PAX4: variants seen among roughly 807,000 people sequenced by gnomAD.
PAX4 encodes the protein paired box 4.
In PAX4, 33 loss-of-function variants were observed where a neutral mutation model predicts 40.6. The observed-to-expected ratio is 0.81, with a 90% CI of 0.62 to 1.09. The LOEUF (loss-of-function observed/expected upper bound fraction) is 1.09. Ranked by LOEUF, PAX4 falls within the 50% of genes least tolerant of loss-of-function variation. The pLI, the probability that PAX4 is intolerant of heterozygous loss-of-function variation, is 0.00. For missense variants in PAX4, 459 were observed against 442.5 expected (o/e 1.04, Z -0.33); for synonymous variants, 174 against 170.6 (o/e 1.02, Z -0.16).
chr7:127,616,130 G>T, intron 2 of PAX4, 103 bp from the exon 3 acceptor site: 1 of 595,240 alleles, frequency 1.7e-6, no homozygotes. Flanking sequence ...TTGCCAGTGG[G>T]TTGGCTAAAA....
chr7:127,611,051 T>C lies in PAX4; in HGVS notation c.*13A>G. ...TTAGATCTTCTCTATGCCATCTCCT[T>C]CCCACTCCTGCCTCATTCCAAGCCA... On this transcript the variant is annotated 3_prime_UTR_variant, in exon 12 of 12. Coordinates refer to ENST00000639438, the MANE Select transcript of PAX4 (RefSeq NM_001366110.1). The C allele has an allele frequency of 1.3e-6, 2 of 1,596,316 alleles. No individual in the cohort carries two copies. The highest frequency in any genetic ancestry group is 1.7e-6 in the Non-Finnish European group (2 of 1,169,850).
At position 127,613,804 on chromosome 7, in the gene PAX4, G is replaced by A. The variant is rs121917718; in HGVS notation, c.514C>T (p.Arg172Trp). 39 of 1,613,916 alleles carry A rather than the reference G, an allele frequency of 2.4e-5. No homozygotes were observed. Among genetic ancestry groups the A allele is most frequent in the African/African-American group, 6.7e-5 (5 of 74,864 alleles). Residue 172 changes from arginine (R) to tryptophan (W), a missense_variant, in exon 7 of 12, where the codon CGG becomes TGG. Physicochemically the swap from Arg to Trp is moderately radical, Grantham distance 101 (BLOSUM62 -3). Coordinates refer to ENST00000639438, the MANE Select transcript of PAX4 (RefSeq NM_001366110.1). ...PRGTHPGTGH[R>W]NRTIFSPSQA... ...CTTGGGGAGAAGATAGTCCGATTCC[G>A]GTGGCCGGTCCCTGGGTGGGTACCC...
chr7:127,615,747 A>G, intron 3 of PAX4, 169 bp downstream of exon 3: 1 of 1,495,780 alleles, frequency 6.7e-7, no homozygotes, highest in Non-Finnish European at 8.9e-7. Flanking sequence ...ATACCCGCCA[A>G]CTCTCCTGAT....
intron 2 of PAX4, 60 bp downstream of exon 2, chr7:127,617,215 A>G (rs1034367421): frequency 6.6e-6 from 1 of 152,214 alleles, no homozygotes; most frequent in African/African-American, 2.4e-5. Flanking sequence ...AAGAATTACA[A>G]AGAGTTTGGA....
chr7:127,610,873 T>C lies in PAX4; in HGVS notation c.*191A>G. On this transcript the variant is annotated 3_prime_UTR_variant, in exon 12 of 12. Transcript: ENST00000639438. ...AAGGCTAGTGTGAGAAGTGGGTGGG[T>C]GTTGCTTTACCAGCCCCTCCAATCA... is the stretch of plus-strand genomic sequence containing the variant. The C allele has an allele frequency of 3.2e-6, 5 of 1,539,456 alleles. No homozygotes were observed. The highest frequency in any genetic ancestry group is 3.5e-6 in the Non-Finnish European group (4 of 1,146,906).
intron 3 of PAX4, 46 bp downstream of exon 3, chr7:127,615,870 G>A: frequency 6.5e-7 from 1 of 1,535,652 alleles, no homozygotes; most frequent in Non-Finnish European, 8.7e-7. Context: ...GTCTTCCCCT[G>A]TCTCTGTTGT....
chr7:127,615,632 G>A (rs886061970), intron 3 of PAX4, 101 bp from the exon 4 acceptor site: 44 of 1,599,832 alleles, frequency 2.8e-5, no homozygotes, highest in South Asian at 3.3e-5. Flanking sequence ...TCCCACCACC[G>A]AGTGCATCCT....
rs761042337 is a variant in PAX4 at position 127,611,783 on chromosome 7, C to T, written c.772-107G>A. The T allele has an allele frequency of 3.1e-6, 5 of 1,600,212 alleles. No individual in the cohort carries two copies. In the African/African-American group the frequency reaches 6.7e-5, roughly 21 times the overall value. On this transcript the variant is annotated intron_variant, in intron 10 of 11. Coordinates refer to ENST00000639438, the MANE Select transcript of PAX4 (RefSeq NM_001366110.1). ...CACCCAAGTAGTATCCTGCACAACT[C>T]CAGAGGGCACCATTCACATAGTAGA...
rs199607802 is a variant in PAX4, at chr7:127,615,473, C to A, written c.72G>T (p.Leu24=). Residue 24 remains leucine, a synonymous_variant, in exon 4 of 12, where the codon CTG becomes CTT. Transcript: ENST00000639438. ...GCCGCACAATCTGCTGCCGGGTATC[C>A]AGAGGCAGGGGCCGGCCATTCACAA... is the stretch of plus-strand genomic sequence containing the variant. ...GLFVNGRPLP[L]DTRQQIVRLA... 1.6e-4 allele frequency: 254 copies of A among 1,614,094 alleles called. No homozygotes were observed. The highest frequency in any genetic ancestry group is 2.1e-4 in the Non-Finnish European group (244 of 1,180,044).
chr7:127,611,068 TC>T lies in PAX4; in HGVS notation c.1051del (p.Glu351AsnfsTer63). 6.2e-7 allele frequency: 1 copy of T among 1,604,914 alleles called. No individual in the cohort carries two copies. Among genetic ancestry groups the T allele is most frequent in the Non-Finnish European group, 8.5e-7 (1 of 1,174,926 alleles). On this transcript the variant is annotated frameshift_variant, in exon 12 of 12. Coordinates refer to ENST00000639438, the MANE Select transcript of PAX4 (RefSeq NM_001366110.1). LOFTEE classifies it high-confidence loss of function. ...WPGCPLLYGL[E>X] ...CATCTCCTTCCCACTCCTGCCTCAT[TC>T]CAAGCCATACAGTAGTGGGCAGCCA...
rs1562961156 is a variant in PAX4 at position 127,615,742 on chromosome 7, C to CAGGA, written c.13+173_13+174insTCCT. ...TGAGTCTTTGTTCCTTGCCCATACC[C>CAGGA]GCCAACTCTCCTGATCTAAGGGAAG... On this transcript the variant is annotated intron_variant, in intron 3 of 11. Transcript: ENST00000639438. 3.3e-6 allele frequency: 5 copies of CAGGA among 1,494,974 alleles called. No individual in the cohort carries two copies. The African/African-American group carries it at 6.9e-5, about 21-fold the overall frequency. 92.6% of individuals were successfully genotyped at this position (1,494,974 alleles called of 1,614,324 possible).
chr7:127,615,571 A>G (rs776053996), intron 3 of PAX4, 40 bp from the exon 4 acceptor site: 6 of 1,611,948 alleles, frequency 3.7e-6, no homozygotes, highest in Admixed American at 3.3e-5. Context: ...CACCTCTCCC[A>G]CTGCCCTGCC....
chr7:127,613,006 G>T lies in PAX4; in HGVS notation c.715+16C>A. Reference sequence around the variant, plus strand: ...ATGACTGAGCGGGCAGATGGATGATGGTGCAGAGAAATCACCTGGCAGCTG... The same window carrying T: ...ATGACTGAGCGGGCAGATGGATGATTGTGCAGAGAAATCACCTGGCAGCTG... On this transcript the variant is annotated intron_variant, in intron 9 of 11. Coordinates refer to ENST00000639438, the MANE Select transcript of PAX4 (RefSeq NM_001366110.1). The T allele has an allele frequency of 6.2e-7, 1 of 1,602,014 alleles. No individual in the cohort carries two copies. Among genetic ancestry groups the T allele is most frequent in the South Asian group, 1.1e-5 (1 of 90,742 alleles).
rs942218701 is a variant in PAX4, at chr7:127,613,805, G to A, written c.513C>T (p.His171=). Reference sequence around the variant, plus strand: ...TTGGGGAGAAGATAGTCCGATTCCGGTGGCCGGTCCCTGGGTGGGTACCCC... The same window carrying A: ...TTGGGGAGAAGATAGTCCGATTCCGATGGCCGGTCCCTGGGTGGGTACCCC... The part of the protein sequence containing the change: ...TPRGTHPGTG[H]RNRTIFSPSQ... Residue 171 remains histidine (H), a synonymous_variant, in exon 7 of 12, where the codon CAC becomes CAT. Transcript: ENST00000639438. The A allele has an allele frequency of 7.4e-6, 12 of 1,613,940 alleles. No individual in the cohort carries two copies. The highest frequency in any genetic ancestry group is 3.3e-5 in the Admixed American group (2 of 59,988).
In PAX4 at chr7:127,610,874, G is replaced by A. The variant is rs2233585; in HGVS notation, c.*190C>T. 1,113 of 1,539,682 alleles carry A rather than the reference G, an allele frequency of 7.2e-4. 11 individuals are homozygous for A. The African/African-American group carries it at 0.014, about 19-fold the overall frequency. ...AGGCTAGTGTGAGAAGTGGGTGGGT[G>A]TTGCTTTACCAGCCCCTCCAATCAG... is the stretch of plus-strand genomic sequence containing the variant. On this transcript the variant is annotated 3_prime_UTR_variant, in exon 12 of 12. Transcript: ENST00000639438.
At position 127,611,187 on chromosome 7, in the gene PAX4, C is replaced by G; in HGVS notation, c.933G>C (p.Pro311=). ...KPCWGHLPPQ[P]NSLDSGLLCL... ...AAAGCAGTCCTGAGTCCAGGGAATT[C>G]GGCTGTGGGGGCAAGTGGCCTGTGG... The change falls in exon 12 of 12, where the codon CCG becomes CCC. Residue 311 remains proline (P), a synonymous_variant. Coordinates refer to ENST00000639438, the MANE Select transcript of PAX4 (RefSeq NM_001366110.1). 1.9e-6 allele frequency: 3 copies of G among 1,602,068 alleles called. No homozygotes were observed. Among genetic ancestry groups the G allele is most frequent in the Non-Finnish European group, 2.6e-6 (3 of 1,174,588 alleles).
intron 11 of PAX4, 124 bp downstream of exon 11, chr7:127,611,411 G>A (rs1444508817): frequency 6.4e-7 from 1 of 1,574,162 alleles, no homozygotes; most frequent in Non-Finnish European, 8.7e-7. Flanking sequence ...ACCATGCAAA[G>A]AATGAGGAAA....
chr7:127,611,095 G>C lies in PAX4; in HGVS notation c.1025C>G (p.Pro342Arg). The C allele has an allele frequency of 6.2e-7, 1 of 1,607,608 alleles. No individual in the cohort carries two copies. The change falls in exon 12 of 12, where the codon CCT becomes CGT. Residue 342 changes from proline to arginine, a missense_variant. Physicochemically the swap from Pro to Arg is moderately radical, Grantham distance 103. Coordinates refer to ENST00000639438, the MANE Select transcript of PAX4 (RefSeq NM_001366110.1). The part of the protein sequence containing the change: ...SLSGSQALLW[P>R]GCPLLYGLE ...CAAGCCATACAGTAGTGGGCAGCCAGGCCAGAGCAGGGCCTGAGAGCCACT... is the reference window on the plus strand; with the variant it reads ...CAAGCCATACAGTAGTGGGCAGCCACGCCAGAGCAGGGCCTGAGAGCCACT...
chr7:127,613,113 G>A, intron 8 of PAX4, 22 bp from the exon 9 acceptor site: 1 of 1,598,478 alleles, frequency 6.3e-7, no homozygotes, highest in Non-Finnish European at 8.6e-7. Flanking sequence ...CAGGGACAAT[G>A]CAGCTGGCTG....
Sources: gnomAD v4.1 joint callset for allele counts on GRCh38, gnomAD v4.1.1 for gene constraint, MANE v1.5 for transcripts, NCBI Gene and HGNC (gene_info 2026-07-23, HGNC 2026-07-21) for gene names.